Variants in PRICKLE1 observed in about 807,000 individuals in gnomAD.
PRICKLE1 encodes prickle-like protein 1.
A neutral mutation model predicts 70.2 loss-of-function variants in PRICKLE1; 14 were observed. The observed-to-expected ratio is 0.20, with a 90% CI of 0.13 to 0.31. The LOEUF is 0.31. Among genes scored for constraint, PRICKLE1 ranks in the 10% least tolerant of loss-of-function variants. The probability of loss-of-function intolerance (pLI) is 1.00; values close to 1 mark genes in which losing one functional copy is unlikely to be tolerated. For synonymous variants in PRICKLE1, 357 were observed against 379.9 expected (o/e 0.94, Z 0.70); for missense variants, 821 against 1,026.2 (o/e 0.80, Z 2.73).
chr12:42,494,235 T>C (rs1939155421), intron 1 of PRICKLE1, among the ~76,000 whole-genome samples: 1 of 152,236 alleles, frequency 6.6e-6, no homozygotes, highest in Non-Finnish European at 1.5e-5. Flanking sequence ...GGGATGATTG[T>C]GACAATTTCT....
intron 1 of PRICKLE1, among the ~76,000 whole-genome samples, chr12:42,526,608 C>T (rs997538251): frequency 5.9e-5 from 9 of 151,886 alleles, no homozygotes; most frequent in Admixed American, 1.3e-4. Context: ...CTGGAGGAGC[C>T]GACTGGGACC....
intron 1 of PRICKLE1, among the ~76,000 whole-genome samples, chr12:42,524,463 G>A (rs1414644564): frequency 1.3e-5 from 2 of 152,020 alleles, no homozygotes; most frequent in African/African-American, 4.8e-5. Context: ...ACCCAGGCTG[G>A]AGTGCAGTGG....
chr12:42,510,113 G>A (rs1939485933), intron 1 of PRICKLE1, among the ~76,000 whole-genome samples: 1 of 150,422 alleles, frequency 6.6e-6, no homozygotes, highest in East Asian at 2.0e-4. Context: ...TTTATTTTTT[G>A]AGACGGAGTC....
intron 1 of PRICKLE1, among the ~76,000 whole-genome samples, chr12:42,515,637 T>C (rs1252721721): frequency 6.6e-6 from 1 of 152,218 alleles, no homozygotes; most frequent in Non-Finnish European, 1.5e-5. Flanking sequence ...TATTTTTCTA[T>C]ACTTAACCTC....
intron 1 of PRICKLE1, among the ~76,000 whole-genome samples, chr12:42,496,143 A>G (rs1332736050): frequency 6.6e-6 from 1 of 152,260 alleles, no homozygotes; most frequent in African/African-American, 2.4e-5. Flanking sequence ...TCCATGATTC[A>G]TGAGCTGCAG....
At position 42,468,783 on chromosome 12, in the gene PRICKLE1, C is replaced by G; in HGVS notation, c.431G>C (p.Arg144Pro). 6.2e-7 allele frequency: 1 copy of G among 1,614,126 alleles called. No individual in the cohort carries two copies. The highest frequency in any genetic ancestry group is 1.3e-5 in the African/African-American group (1 of 75,010). The change falls in exon 5 of 8, where the codon CGT becomes CCT. Residue 144 changes from arginine (R) to proline (P), a missense_variant. Transcript: ENST00000345127. The part of the protein sequence containing the change: ...NGGEVAVFAS[R>P]AGPGVCWHPS... ...GTGCCAGCACACACCAGGGCCCGCA[C>G]GGGAGGCGAACACTGCAACTTCACC...
intron 1 of PRICKLE1, among the ~76,000 whole-genome samples, chr12:42,499,879 C>G (rs1939275783): frequency 6.6e-6 from 1 of 151,900 alleles, no homozygotes; most frequent in African/African-American, 2.4e-5. Flanking sequence ...AAGGGCCTGC[C>G]ACCATGCCTG....
intron 2 of PRICKLE1, among the ~76,000 whole-genome samples, chr12:42,471,646 C>G (rs778208604): frequency 5.3e-5 from 8 of 152,160 alleles, no homozygotes; most frequent in Non-Finnish European, 1.0e-4. Context: ...CTACAGGAAA[C>G]AGAACCCTAA....
chr12:42,583,038 C>T (rs946466964), intron 1 of PRICKLE1, among the ~76,000 whole-genome samples: 8 of 151,860 alleles, frequency 5.3e-5, no homozygotes, highest in Admixed American at 2.6e-4. Flanking sequence ...GTGTTTCTTC[C>T]GAAAATTGCC....
intron 1 of PRICKLE1, among the ~76,000 whole-genome samples, chr12:42,570,762 G>C (rs1050438419): frequency 6.6e-6 from 1 of 152,198 alleles, no homozygotes; most frequent in African/African-American, 2.4e-5. Flanking sequence ...GGAGGTTGCA[G>C]TGAGCCGAGA....
chr12:42,465,881 G>T (rs998848677), intron 6 of PRICKLE1: 8 of 450,790 alleles, frequency 1.8e-5, no homozygotes, highest in African/African-American at 9.9e-5. Flanking sequence ...GTTATGTATT[G>T]ATGGGTTGAT....
At chr12:42,479,122 A>G (rs1048029085) in intron 1 of PRICKLE1, among the ~76,000 whole-genome samples, 2 of 152,364 alleles carry the variant, frequency 1.3e-5, no homozygotes, top group East Asian at 3.9e-4. Flanking sequence ...TCACGACCAT[A>G]AAGAATTAAA....
At chr12:42,472,309 A>T in intron 2 of PRICKLE1, 76 bp downstream of exon 2, 3 of 1,515,062 alleles carry the variant, frequency 2.0e-6, no homozygotes, top group Non-Finnish European at 2.7e-6. Context: ...TGTTCTATCC[A>T]TTTACAAAAT....
chr12:42,560,383 C>G (rs1940490790), intron 1 of PRICKLE1, among the ~76,000 whole-genome samples: 2 of 152,052 alleles, frequency 1.3e-5, no homozygotes, highest in African/African-American at 4.8e-5. Context: ...ATCCACCCGC[C>G]TCGGCTTCCC....
Position 42,470,211 on chromosome 12 carries a change from C to CT in PRICKLE1, c.246+34dup, listed in dbSNP as rs754264110. 10 of 1,464,532 alleles carry CT rather than the reference C, an allele frequency of 6.8e-6. No individual in the cohort carries two copies. In the Admixed American group the frequency reaches 1.7e-4, roughly 24 times the overall value. The allele number at this position is 1,464,532 out of a possible 1,614,324, so 90.7% of individuals were successfully genotyped here. ...CAATGCTTCTCATGCATTTTTTCTT[C>CT]TTTTTTCTAATTAGCCTTCTTCCTG... On this transcript the variant is annotated intron_variant, in intron 3 of 7. Coordinates refer to ENST00000345127, the MANE Select transcript of PRICKLE1 (RefSeq NM_153026.3).
chr12:42,468,716 G>C lies in PRICKLE1; in HGVS notation c.498C>G (p.Val166=), dbSNP rs1555230606. The change falls in exon 5 of 8, where the codon GTC becomes GTG. Residue 166 remains valine (V), a synonymous_variant. Coordinates refer to ENST00000345127, the MANE Select transcript of PRICKLE1 (RefSeq NM_153026.3). Reference sequence around the variant, plus strand: ...CATCCTGATAAAAATAGATGAGGTCGACCAGCAGCTCATTACACGTGAAAC... The same window carrying C: ...CATCCTGATAAAAATAGATGAGGTCCACCAGCAGCTCATTACACGTGAAAC... ...FVCFTCNELL[V]DLIYFYQDGK... is the part of the protein sequence containing the mutation. 2 of 1,614,078 alleles carry C rather than the reference G, an allele frequency of 1.2e-6. No individual in the cohort carries two copies. Among genetic ancestry groups the C allele is most frequent in the South Asian group, 1.1e-5 (1 of 91,080 alleles).
chr12:42,476,209 T>C (rs1938525417), intron 1 of PRICKLE1, among the ~76,000 whole-genome samples: 1 of 149,778 alleles, frequency 6.7e-6, no homozygotes, highest in Non-Finnish European at 1.5e-5. Context: ...TTTTTTTGAG[T>C]TTTGCTCTTG....
intron 1 of PRICKLE1, among the ~76,000 whole-genome samples, chr12:42,576,088 C>T (rs1940802067): frequency 6.6e-6 from 1 of 152,192 alleles, no homozygotes; most frequent in African/African-American, 2.4e-5. Flanking sequence ...ACCATAATGC[C>T]TGTCAAACCA....
intron 1 of PRICKLE1, among the ~76,000 whole-genome samples, chr12:42,549,119 CAAA>C (rs34355848): frequency 1.9e-4 from 10 of 53,970 alleles, no homozygotes; most frequent in African/African-American, 7.5e-4. Flanking sequence ...ACCCTGTCTC[CAAA>C]AAAAAAAAAA....
Sources: allele counts gnomAD v4.1 joint callset (sites outside exome capture counted in the v4.1 genomes callset), GRCh38; gene constraint gnomAD v4.1.1; transcripts MANE v1.5; gene names NCBI Gene and HGNC (gene_info 2026-07-23, HGNC 2026-07-21).